The following SH2D7 variants were observed in gnomAD, a reference collection of about 807,000 sequenced individuals.
SH2D7 encodes SH2 domain-containing protein 7.
Under a neutral mutation model 40.8 loss-of-function variants are expected in SH2D7, and 32 were observed. The observed-to-expected ratio is 0.78, with a 90% confidence interval of 0.59 to 1.05. The LOEUF is 1.05. Ranked by LOEUF, SH2D7 falls within the 50% of genes least tolerant of loss-of-function variation. The pLI, the probability that SH2D7 is intolerant of heterozygous loss-of-function variation, is 0.00. For synonymous variants in SH2D7, 195 were observed against 221.5 expected (o/e 0.88, Z 1.06); for missense variants, 559 against 566.6 (o/e 0.99, Z 0.14).
chr15:78,102,024 G>C (rs1483653221), intron 5 of SH2D7, among the ~76,000 whole-genome samples: 1 of 152,202 alleles, frequency 6.6e-6, no homozygotes, highest in Non-Finnish European at 1.5e-5. Context: ...GGCTGAGGCA[G>C]GTGGATTGCT....
At chr15:78,098,735 C>G in intron 4 of SH2D7, 139 bp downstream of exon 4, 2 of 995,554 alleles carry the variant, frequency 2.0e-6, no homozygotes, top group East Asian at 2.6e-5. Flanking sequence ...GGTGCGGACC[C>G]AGCTTGGAAT....
chr15:78,098,298 A>G (rs1436304331), intron 3 of SH2D7, 86 bp from the exon 4 acceptor site: 1 of 1,508,460 alleles, frequency 6.6e-7, no homozygotes, highest in Admixed American at 1.8e-5. Flanking sequence ...GGAATGTTGC[A>G]GTCTCTTACC....
rs778733792 is a variant in SH2D7, at chr15:78,098,538, A to C, written c.587A>C (p.His196Pro). The change falls in exon 4 of 6, where the codon CAT becomes CCT. Residue 196 changes from histidine to proline, a missense_variant. Coordinates refer to ENST00000328828, the MANE Select transcript of SH2D7 (RefSeq NM_001101404.2). The part of the protein sequence containing the change: ...SSPKPQVSFL[H>P]AQKSLDVSPR... ...CCAAAGCCCCAGGTCTCCTTCCTCC[A>C]TGCACAGAAAAGCCTGGATGTGAGT... 6.2e-7 allele frequency: 1 copy of C among 1,613,960 alleles called. No homozygotes were observed. The highest frequency in any genetic ancestry group is 2.2e-5 in the East Asian group (1 of 44,880).
In SH2D7 at chr15:78,103,677, G is replaced by C. The variant is rs2074031880; in HGVS notation, c.*162G>C. On this transcript the variant is annotated 3_prime_UTR_variant, in exon 6 of 6. Coordinates refer to ENST00000328828, the MANE Select transcript of SH2D7 (RefSeq NM_001101404.2). ...CGAGACAGCCGAGGTGCCTGCCTGA[G>C]AGCAGGTGGAAGAGGACCTTGCAGG... 6.0e-6 allele frequency: 5 copies of C among 838,316 alleles called. No homozygotes were observed. Among genetic ancestry groups the C allele is most frequent in the Non-Finnish European group, 9.1e-6 (5 of 550,328 alleles). The allele number at this position is 838,316 out of a possible 1,614,324, so 51.9% of individuals were successfully genotyped here. A position where few individuals can be genotyped will look rare whatever the true frequency, so the allele number is the denominator to read the frequency against.
intron 5 of SH2D7, among the ~76,000 whole-genome samples, chr15:78,102,370 A>T (rs1017140731): frequency 2.6e-5 from 4 of 152,260 alleles, no homozygotes; most frequent in African/African-American, 9.6e-5. Flanking sequence ...ATTCTTGTTT[A>T]GCAACCCCAC....
At chr15:78,093,430 G>T (rs1430348932) in intron 1 of SH2D7, among the ~76,000 whole-genome samples, 3 of 152,212 alleles carry the variant, frequency 2.0e-5, no homozygotes, top group African/African-American at 7.2e-5. Context: ...TTTAGCACCT[G>T]GTCCTGCAAA....
intron 1 of SH2D7, among the ~76,000 whole-genome samples, chr15:78,093,555 T>C (rs2073952237): frequency 6.6e-6 from 1 of 152,242 alleles, no homozygotes; most frequent in Non-Finnish European, 1.5e-5. Flanking sequence ...TCTTCATGCC[T>C]CCAAAGTATT....
At chr15:78,094,340 A>C in intron 2 of SH2D7, 139 bp downstream of exon 2, 1 of 728,738 alleles carries the variant, frequency 1.4e-6, no homozygotes, top group Non-Finnish European at 2.3e-6. Context: ...CATCCATCAC[A>C]TGCTCAGCAG....
Position 78,101,092 on chromosome 15 carries a change from C to T in SH2D7, c.839C>T (p.Ala280Val), listed in dbSNP as rs200468445. Residue 280 changes from alanine (A) to valine (V), a missense_variant, in exon 5 of 6, where the codon GCC becomes GTC. By Grantham distance (64) the Ala-to-Val change is moderately conservative (BLOSUM62 0). Transcript: ENST00000328828. ...CAGGCCTACTCCCCAGGCAGGGAGG[C>T]CCAAAGGAGACTCTCAGATGGAGAA... ...GSQAYSPGRE[A>V]QRRLSDGEQN... The T allele has an allele frequency of 3.2e-3, 5,061 of 1,582,600 alleles. 46 individuals carry two copies. The highest frequency in any genetic ancestry group is 0.02 in the South Asian group (1,709 of 85,434).
upstream of SH2D7, among the ~76,000 whole-genome samples, chr15:78,091,851 G>C (rs1356056531): frequency 6.6e-6 from 1 of 152,178 alleles, no homozygotes; most frequent in Non-Finnish European, 1.5e-5. Context: ...GTACATGCTT[G>C]GCTTCCTCCT....
At chr15:78,100,270 T>G (rs1305022352) in intron 4 of SH2D7, among the ~76,000 whole-genome samples, 1 of 152,170 alleles carries the variant, frequency 6.6e-6, no homozygotes, top group Non-Finnish European at 1.5e-5. Context: ...TGGGCCATTC[T>G]GAAGGGAAAT....
At chr15:78,100,195 G>C (rs1471063218) in intron 4 of SH2D7, among the ~76,000 whole-genome samples, 2 of 152,242 alleles carry the variant, frequency 1.3e-5, no homozygotes, top group African/African-American at 2.4e-5. Flanking sequence ...TTGGCACCTA[G>C]GACACTGTCT....
At chr15:78,102,536 G>GGGT (rs1221694230) in intron 5 of SH2D7, among the ~76,000 whole-genome samples, 1 of 151,970 alleles carries the variant, frequency 6.6e-6, no homozygotes, top group Non-Finnish European at 1.5e-5. Flanking sequence ...AGGATCTCTG[G>GGGT]GGTGGTGGTG....
At position 78,094,099 on chromosome 15, in the gene SH2D7, GT is replaced by G; in HGVS notation, c.177-12del. On this transcript the variant is annotated splice_polypyrimidine_tract_variant and intron_variant, in intron 1 of 5. Coordinates refer to ENST00000328828, the MANE Select transcript of SH2D7 (RefSeq NM_001101404.2). ...GGGCACAGACCCCAGCTAATGGCAT[GT>G]CTTCTGCCCAGGCAGACGGAGCAGC... 1 of 1,599,168 alleles carries G rather than the reference GT, an allele frequency of 6.3e-7. No individual in the cohort carries two copies. The highest frequency in any genetic ancestry group is 1.1e-5 in the South Asian group (1 of 88,142).
At chr15:78,099,322 T>C (rs1005381606) in intron 4 of SH2D7, among the ~76,000 whole-genome samples, 6 of 151,808 alleles carry the variant, frequency 4.0e-5, no homozygotes, top group African/African-American at 1.5e-4. Context: ...CATTTTTATT[T>C]TTATTTTTGA....
chr15:78,103,434 C>G (rs565419834), intron 5 of SH2D7, 31 bp from the exon 6 acceptor site: 30 of 1,552,322 alleles, frequency 1.9e-5, no homozygotes, highest in Non-Finnish European at 2.6e-5. Context: ...TCCAGCGACC[C>G]CAGGCCCCAG....
In SH2D7 at chr15:78,094,307, T is replaced by C. The variant is rs1038860898; in HGVS notation, c.266+106T>C. 78 of 974,562 alleles carry C rather than the reference T, an allele frequency of 8.0e-5. No homozygotes were observed. The African/African-American group carries it at 1.1e-3, about 14-fold the overall frequency. The allele number at this position is 974,562 out of a possible 1,614,324, so 60.4% of individuals were successfully genotyped here. A position where few individuals can be genotyped will look rare whatever the true frequency, so the allele number is the denominator to read the frequency against. On this transcript the variant is annotated intron_variant, in intron 2 of 5. Transcript: ENST00000328828. ...CCCAAATTGCCTAGATTTCCCTGGG[T>C]CCTGACTCCTGAATCCCTCAATCAT...
In SH2D7 at chr15:78,099,516, G is replaced by T. The variant is rs184490384; in HGVS notation, c.645+920G>T. Among the ~76,000 whole-genome samples the T allele has an allele frequency of 8.7e-4, 125 of 143,168 alleles. 1 individual carries two copies. The highest frequency in any genetic ancestry group is 3.1e-3 in the African/African-American group (117 of 37,572). The allele number at this position is 143,168 out of a possible 152,430, so 93.9% of individuals were successfully genotyped here. ...TTTTTTTTGTATTTTTAGTAGAGAC[G>T]GGTTTTCGCCATGTTGGCCAGGCTG... On this transcript the variant is annotated intron_variant, in intron 4 of 5. Transcript: ENST00000328828.
chr15:78,097,102 A>G (rs2073976687), intron 2 of SH2D7, among the ~76,000 whole-genome samples: 1 of 152,226 alleles, frequency 6.6e-6, no homozygotes, highest in Non-Finnish European at 1.5e-5. Context: ...TCCAAGATAT[A>G]ATGTTGAGTG....
Sources: allele counts gnomAD v4.1 joint callset (sites outside exome capture counted in the v4.1 genomes callset), GRCh38; gene constraint gnomAD v4.1.1; transcripts MANE v1.5; gene names NCBI Gene and HGNC (gene_info 2026-07-23, HGNC 2026-07-21).